Variants in SEL1L3 observed in about 807,000 individuals in gnomAD.
SEL1L3 encodes protein sel-1 homolog 3.
SEL1L3 carries 76 observed loss-of-function variants against 142.8 expected under a neutral mutation model. The ratio of observed to expected loss-of-function variants is 0.53; its 90% confidence interval spans 0.44 to 0.64. The LOEUF (loss-of-function observed/expected upper bound fraction) is 0.64, where lower values mean the gene tolerates loss of function less well. Among genes scored for constraint, SEL1L3 ranks in the 30% least tolerant of loss-of-function variants. The pLI is 0.00. For synonymous variants in SEL1L3, 504 were observed against 519.6 expected, an observed-to-expected ratio of 0.97 and a Z score of 0.41; for missense variants, 1,262 against 1,381.7, an observed-to-expected ratio of 0.91 and a Z score of 1.37.
intron 17 of SEL1L3, among the ~76,000 whole-genome samples, chr4:25,771,023 T>C (rs1560287343): frequency 1.3e-5 from 2 of 152,242 alleles, no homozygotes; most frequent in Admixed American, 1.3e-4. Context: ...TTATTAAAAC[T>C]TCTGAGACAA....
chr4:25,835,269 A>G lies in SEL1L3; in HGVS notation c.788T>C (p.Ile263Thr). 1 of 1,613,994 alleles carries G rather than the reference A, an allele frequency of 6.2e-7. No homozygotes were observed. The highest frequency in any genetic ancestry group is 8.5e-7 in the Non-Finnish European group (1 of 1,179,886). ...PYASSGENTG[I>T]VKKFPRFRNR... ...CCGAAACCTCGGGAACTTCTTGACA[A>G]TGCCTGTGTTTTCTCCACTGGAGGC... The change falls in exon 3 of 24, where the codon ATT becomes ACT. Residue 263 changes from isoleucine to threonine, a missense_variant. Coordinates refer to ENST00000399878, the MANE Select transcript of SEL1L3 (RefSeq NM_015187.5).
At chr4:25,735,574 T>C in the SEL1L3 span, among the ~76,000 whole-genome samples, 20 of 125,648 alleles carry the variant, frequency 1.6e-4, no homozygotes, top group Admixed American at 1.6e-3. Context: ...TCTTCAAGTT[T>C]AGCTTAATCT....
intron 17 of SEL1L3, among the ~76,000 whole-genome samples, chr4:25,768,220 T>C (rs1718895181): frequency 6.6e-6 from 1 of 152,192 alleles, no homozygotes; most frequent in African/African-American, 2.4e-5. Context: ...AAAAGCTTTA[T>C]AGGGCTTAAG....
chr4:25,737,452 G>A, the SEL1L3 span, among the ~76,000 whole-genome samples: 1 of 152,066 alleles, frequency 6.6e-6, no homozygotes, highest in African/African-American at 2.4e-5. Context: ...TGGATATGTG[G>A]GAGACAGAGC....
At chr4:25,746,507 A>AATAAAT (rs1717265391), downstream of SEL1L3, among the ~76,000 whole-genome samples, 1 of 101,560 alleles carries the variant, frequency 9.8e-6, no homozygotes, top group African/African-American at 4.1e-5. Flanking sequence ...ATATTATCTA[A>AATAAAT]ATATATATAT....
the SEL1L3 span, among the ~76,000 whole-genome samples, chr4:25,730,974 C>T: frequency 5.9e-5 from 9 of 151,940 alleles, no homozygotes; most frequent in East Asian, 1.9e-4. Flanking sequence ...GAGGTTGCAG[C>T]GAGGAAAGAT....
intron 9 of SEL1L3, among the ~76,000 whole-genome samples, chr4:25,810,782 A>G (rs1713969900): frequency 6.6e-6 from 1 of 152,188 alleles, no homozygotes; most frequent in Admixed American, 6.5e-5. Flanking sequence ...TGTGCCAAGC[A>G]AGAAAATCAG....
intron 23 of SEL1L3, among the ~76,000 whole-genome samples, chr4:25,754,951 A>C (rs182794933): frequency 3.3e-5 from 5 of 152,334 alleles, no homozygotes; most frequent in Non-Finnish European, 7.3e-5. Flanking sequence ...GGTACTAAAA[A>C]ATATGTTTCA....
chr4:25,781,611 T>C (rs1008849977), intron 15 of SEL1L3, among the ~76,000 whole-genome samples: 1 of 152,156 alleles, frequency 6.6e-6, no homozygotes, highest in Non-Finnish European at 1.5e-5. Flanking sequence ...GGGCTTCCAC[T>C]GTGCACTAGG....
chr4:25,752,418 G>C (rs79055717), intron 23 of SEL1L3, among the ~76,000 whole-genome samples: 2 of 98,860 alleles, frequency 2.0e-5, no homozygotes, highest in Non-Finnish European at 4.0e-5. Context: ...CTCCATCTCC[G>C]AAAAAAAAAA....
At chr4:25,846,151 C>G (rs1194927326) in intron 2 of SEL1L3, among the ~76,000 whole-genome samples, 3 of 152,156 alleles carry the variant, frequency 2.0e-5, no homozygotes, top group Non-Finnish European at 2.9e-5. Context: ...GGCAGGCACT[C>G]GGCATCCACA....
chr4:25,833,023 C>T lies in SEL1L3; in HGVS notation c.1070G>A (p.Arg357Gln). The T allele has an allele frequency of 1.2e-6, 2 of 1,609,276 alleles. No homozygotes were observed. Among genetic ancestry groups the T allele is most frequent in the Non-Finnish European group, 1.7e-6 (2 of 1,175,768 alleles). Residue 357 changes from arginine to glutamine, a missense_variant, in exon 5 of 24, where the codon CGA becomes CAA. By Grantham distance (43) the Arg-to-Gln change is conservative (BLOSUM62 1). Coordinates refer to ENST00000399878, the MANE Select transcript of SEL1L3 (RefSeq NM_015187.5). ...GCCTCCGTTAAAAGAGATATCCAGT[C>T]GAAACCACTCCTTCAAAGGTATGAT... ...KFIIPLKEWF[R>Q]LDISFNGGQI...
At chr4:25,745,433 CA>C (rs546075652), downstream of SEL1L3, among the ~76,000 whole-genome samples, 729 of 151,774 alleles carry the variant, frequency 4.8e-3, 5 homozygotes, top group African/African-American at 0.017. Context: ...CAGAATTGAG[CA>C]GAGTGAGAAG....
intron 8 of SEL1L3, 105 bp downstream of exon 8, chr4:25,819,703 G>T: frequency 9.0e-7 from 1 of 1,112,888 alleles, no homozygotes; most frequent in Non-Finnish European, 1.2e-6. Flanking sequence ...TGGTATCTGA[G>T]CCAAGTCATA....
intron 5 of SEL1L3, among the ~76,000 whole-genome samples, chr4:25,831,498 AATAATAATAATAATTATTATTATT>A (rs1203720197): frequency 2.2e-4 from 19 of 87,734 alleles, no homozygotes; most frequent in Non-Finnish European, 2.6e-4. Flanking sequence ...TTTAAATAAT[AATAATAATAATAATTATTATTATT>A]ATTATTATTA....
the SEL1L3 span, among the ~76,000 whole-genome samples, chr4:25,735,500 A>AT: frequency 6.7e-6 from 1 of 149,766 alleles, no homozygotes; most frequent in Non-Finnish European, 1.5e-5. Flanking sequence ...GATTATCTTT[A>AT]TTTTTTTCTG....
intron 14 of SEL1L3, among the ~76,000 whole-genome samples, chr4:25,782,658 G>A (rs926530789): frequency 1.3e-5 from 2 of 152,156 alleles, no homozygotes; most frequent in African/African-American, 2.4e-5. Context: ...CTGCAGCAAT[G>A]TTATCCCCCA....
At chr4:25,793,062 A>G (rs1029653689) in intron 11 of SEL1L3, among the ~76,000 whole-genome samples, 3 of 152,188 alleles carry the variant, frequency 2.0e-5, no homozygotes, top group Non-Finnish European at 4.4e-5. Flanking sequence ...AATCTTTGCA[A>G]CCTGATAAGA....
At chr4:25,765,632 A>AT (rs576261341) in intron 19 of SEL1L3, among the ~76,000 whole-genome samples, 197 bp from the exon 20 acceptor site, 1 of 151,508 alleles carries the variant, frequency 6.6e-6, no homozygotes, top group African/African-American at 2.4e-5. Context: ...TTCTAGACAT[A>AT]TTTTTTTTCT....
Sources: allele counts gnomAD v4.1 joint callset (sites outside exome capture counted in the v4.1 genomes callset), GRCh38; gene constraint gnomAD v4.1.1; transcripts MANE v1.5; gene names NCBI Gene and HGNC (gene_info 2026-07-23, HGNC 2026-07-21).